The following RPAIN variants were observed in gnomAD, a reference collection of about 807,000 sequenced individuals.
The protein encoded by RPAIN is RPA interacting protein, also known as RPA-interacting protein.
RPAIN carries 29 observed loss-of-function variants against 30.5 expected under a neutral mutation model. That is an observed-to-expected ratio of 0.95 (90% CI 0.71 to 1.30). The LOEUF (loss-of-function observed/expected upper bound fraction) is 1.30, where lower values mean the gene tolerates loss of function less well. Among genes scored for constraint, RPAIN ranks in the 50% most tolerant of loss-of-function variants. The pLI, the probability that RPAIN is intolerant of heterozygous loss-of-function variation, is 0.00. For missense variants in RPAIN, 247 were observed against 264.7 expected, an observed-to-expected ratio of 0.93 and a Z score of 0.46; for synonymous variants, 101 against 93.5, an observed-to-expected ratio of 1.08 and a Z score of -0.46.
intron 3 of RPAIN, chr17:5,425,039 T>G (rs1365350921): frequency 7.8e-6 from 2 of 257,910 alleles, no homozygotes; most frequent in Non-Finnish European, 1.5e-5. Flanking sequence ...AGCAAATACT[T>G]TAGACTTCAC....
intron 3 of RPAIN, among the ~76,000 whole-genome samples, chr17:5,424,214 C>A (rs1293700978): frequency 6.6e-6 from 1 of 151,842 alleles, no homozygotes; most frequent in Non-Finnish European, 1.5e-5. Flanking sequence ...GTCTCGAACT[C>A]CTCCCTGGTC....
At chr17:5,428,380 G>C in intron 6 of RPAIN, 169 bp downstream of exon 6, 1 of 1,497,806 alleles carries the variant, frequency 6.7e-7, no homozygotes, top group Non-Finnish European at 8.9e-7. Flanking sequence ...TAGACTCAAA[G>C]GCCAGTCAGA....
intron 1 of RPAIN, 40 bp downstream of exon 1, chr17:5,420,331 C>T: frequency 1.3e-6 from 2 of 1,556,912 alleles, no homozygotes; most frequent in African/African-American, 1.4e-5. Context: ...CCTAGATCGT[C>T]CCGGTGACCG....
chr17:5,427,132 T>G (rs1006592814), intron 5 of RPAIN: 2 of 152,116 alleles, frequency 1.3e-5, no homozygotes, highest in African/African-American at 4.8e-5. Context: ...CTGAGTCACC[T>G]GTTTTATTTT....
intron 2 of RPAIN, among the ~76,000 whole-genome samples, chr17:5,422,077 G>A (rs547592005): frequency 1.8e-4 from 28 of 152,226 alleles, no homozygotes; most frequent in African/African-American, 2.4e-4. Context: ...GAAACTTTCC[G>A]ATTCTAATCT....
chr17:5,432,615 C>G lies in RPAIN; in HGVS notation c.*44C>G. On this transcript the variant is annotated 3_prime_UTR_variant, in exon 7 of 7. Transcript: ENST00000381209. ...TCATTCTATGGGGTTGAAGACAACT[C>G]ATTCCCTCTGAGGAGCCTTGTACAT... 1.3e-6 allele frequency: 2 copies of G among 1,577,378 alleles called. No homozygotes were observed. Among genetic ancestry groups the G allele is most frequent in the Non-Finnish European group, 1.7e-6 (2 of 1,146,728 alleles).
chr17:5,425,937 A>G (rs1021390320), intron 3 of RPAIN, 34 bp from the exon 4 acceptor site: 1 of 1,395,234 alleles, frequency 7.2e-7, no homozygotes, highest in African/African-American at 1.4e-5. Flanking sequence ...CAGCTGAAGC[A>G]TGGTGAAGCC....
rs896234296 is a variant in RPAIN, at chr17:5,420,199, C to G, written c.-12C>G. Reference sequence around the variant, plus strand: ...GAACGGGTCTTGTGGCTTTGTCTCCCGCGAAGAGGAGATGGCGGAGTCGTT... The same window carrying G: ...GAACGGGTCTTGTGGCTTTGTCTCCGGCGAAGAGGAGATGGCGGAGTCGTT... On this transcript the variant is annotated 5_prime_UTR_variant, in exon 1 of 7. Coordinates refer to ENST00000381209, the MANE Select transcript of RPAIN (RefSeq NM_001033002.4). 6.2e-7 allele frequency: 1 copy of G among 1,613,152 alleles called. No individual in the cohort carries two copies. Among genetic ancestry groups the G allele is most frequent in the African/African-American group, 1.3e-5 (1 of 74,898 alleles).
At chr17:5,428,328 G>C (rs1915604186) in intron 6 of RPAIN, 117 bp downstream of exon 6, 1 of 1,557,340 alleles carries the variant, frequency 6.4e-7, no homozygotes. Flanking sequence ...TTTATTATCT[G>C]AGGAATTTAC....
At position 5,432,695 on chromosome 17, in the gene RPAIN, G is replaced by GAA; in HGVS notation, c.*132_*133dup. On this transcript the variant is annotated 3_prime_UTR_variant, in exon 7 of 7. Coordinates refer to ENST00000381209, the MANE Select transcript of RPAIN (RefSeq NM_001033002.4). ...ATTGAAACTTTTAAACAATACTGAAGAAAAAAAAACTTTTCCGACATCTGT... is the reference window on the plus strand; with the variant it reads ...ATTGAAACTTTTAAACAATACTGAAGAAAAAAAAAAACTTTTCCGACATCTGT... The GAA allele has an allele frequency of 6.8e-6, 7 of 1,032,668 alleles. No individual in the cohort carries two copies. Among genetic ancestry groups the GAA allele is most frequent in the East Asian group, 2.5e-5 (1 of 39,794 alleles). 64.0% of individuals were successfully genotyped at this position (1,032,668 alleles called of 1,614,324 possible).
chr17:5,426,611 T>A (rs2151666428), intron 5 of RPAIN: 2 of 246,482 alleles, frequency 8.1e-6, no homozygotes, highest in Non-Finnish European at 1.6e-5. Flanking sequence ...TATGAAGACA[T>A]ACCTAATTCA....
At chr17:5,422,642 A>C in intron 2 of RPAIN, 127 bp from the exon 3 acceptor site, 1 of 731,876 alleles carries the variant, frequency 1.4e-6, no homozygotes, top group Non-Finnish European at 2.4e-6. Flanking sequence ...CATATTCTGC[A>C]GGAGGACTGG....
intron 3 of RPAIN, among the ~76,000 whole-genome samples, chr17:5,424,674 A>G (rs1487572790): frequency 6.6e-6 from 1 of 152,234 alleles, no homozygotes; most frequent in East Asian, 1.9e-4. Flanking sequence ...CCCGTGCCTC[A>G]GTTTCTTCAC....
intron 5 of RPAIN, 180 bp downstream of exon 5, chr17:5,426,479 GC>G (rs1915403352): frequency 1.6e-6 from 1 of 644,332 alleles, no homozygotes; most frequent in Non-Finnish European, 2.8e-6. Flanking sequence ...ATGAAAATTG[GC>G]AAACAGTACA....
intron 3 of RPAIN, among the ~76,000 whole-genome samples, chr17:5,424,558 CTAT>C (rs1183826078): frequency 1.3e-5 from 2 of 152,206 alleles, no homozygotes; most frequent in Admixed American, 6.5e-5. Flanking sequence ...TAATCAACAG[CTAT>C]TATTATGGTG....
intron 3 of RPAIN, 138 bp from the exon 4 acceptor site, chr17:5,425,833 A>G: frequency 1.6e-6 from 1 of 617,512 alleles, no homozygotes. Flanking sequence ...CTGAGAGAGC[A>G]TAAAAACCAG....
At chr17:5,428,646 G>A (rs757411487) in intron 6 of RPAIN, 30 of 806,162 alleles carry the variant, frequency 3.7e-5, no homozygotes, top group Non-Finnish European at 4.5e-5. Context: ...TCGCTAACCT[G>A]AGTGACAACT....
At chr17:5,426,901 C>G (rs1442586720) in intron 5 of RPAIN, 1 of 152,176 alleles carries the variant, frequency 6.6e-6, no homozygotes, top group Non-Finnish European at 1.5e-5. Context: ...TTCAGCCTTC[C>G]AAAGTGCTGG....
chr17:5,431,483 T>TAAAA, intron 6 of RPAIN: 1 of 209,640 alleles, frequency 4.8e-6, no homozygotes, highest in Non-Finnish European at 7.5e-6. Context: ...AGATTGTGCC[T>TAAAA]TAAAAAAAAA....
Sources: allele counts gnomAD v4.1 joint callset (sites outside exome capture counted in the v4.1 genomes callset), GRCh38; gene constraint gnomAD v4.1.1; transcripts MANE v1.5; gene names NCBI Gene and HGNC (gene_info 2026-07-23, HGNC 2026-07-21).